Variants in COL25A1 observed in about 807,000 individuals in gnomAD.
COL25A1 encodes the protein collagen alpha-1(XXV) chain.
Under a neutral mutation model 128.4 loss-of-function variants are expected in COL25A1, and 103 were observed. That is an observed-to-expected ratio of 0.80 (90% confidence interval 0.68 to 0.94). The LOEUF (loss-of-function observed/expected upper bound fraction) is 0.94, where lower values mean the gene tolerates loss of function less well. Among genes scored for constraint, COL25A1 ranks in the 40% least tolerant of loss-of-function variants. COL25A1 has a pLI of 0.00. For synonymous variants in COL25A1, 279 were observed against 277.2 expected (o/e 1.01, Z -0.06); for missense variants, 745 against 840.0 (o/e 0.89, Z 1.40).
chr4:109,049,206 T>C (rs1392676273), intron 4 of COL25A1, among the ~76,000 whole-genome samples: 2 of 152,322 alleles, frequency 1.3e-5, no homozygotes, highest in East Asian at 3.9e-4. Flanking sequence ...TAGTTGATTA[T>C]TTTTAATATT....
intron 3 of COL25A1, among the ~76,000 whole-genome samples, chr4:109,092,278 C>A (rs972067527): frequency 1.3e-5 from 2 of 152,134 alleles, no homozygotes; most frequent in Non-Finnish European, 2.9e-5. Flanking sequence ...GAATTCAAGA[C>A]CAGCCTGGGC....
intron 3 of COL25A1, among the ~76,000 whole-genome samples, chr4:109,055,067 A>G (rs909648505): frequency 3.3e-5 from 5 of 152,234 alleles, no homozygotes; most frequent in Non-Finnish European, 1.5e-5. Context: ...AAGCAGGCAC[A>G]GATTAATTTC....
intron 11 of COL25A1, among the ~76,000 whole-genome samples, chr4:108,924,954 AC>A (rs1211138508): frequency 2.0e-5 from 3 of 152,050 alleles, no homozygotes; most frequent in African/African-American, 7.3e-5. Context: ...TCTCCAAAGC[AC>A]CCCTATGATG....
At chr4:109,294,725 T>C (rs748778107) in intron 3 of COL25A1, among the ~76,000 whole-genome samples, 3 of 152,104 alleles carry the variant, frequency 2.0e-5, no homozygotes, top group East Asian at 1.9e-4. Flanking sequence ...TATAAAGTGA[T>C]AGTATGAAAT....
At chr4:108,935,820 T>A (rs1355185683) in intron 11 of COL25A1, among the ~76,000 whole-genome samples, 1 of 152,212 alleles carries the variant, frequency 6.6e-6, no homozygotes, top group African/African-American at 2.4e-5. Context: ...ATATGTAATA[T>A]GTAAGAGAGA....
At position 109,196,079 on chromosome 4, in the gene COL25A1, G is replaced by A. The variant is rs112638358; in HGVS notation, c.367+104504C>T. ...TGTACTTTGCTAGTGTAGTGGTCTT[G>A]GAGTCATGCTCCATGCCTAATGCAA... On this transcript the variant is annotated intron_variant, in intron 3 of 37. Coordinates refer to ENST00000399132, the MANE Select transcript of COL25A1 (RefSeq NM_198721.4). 1.4e-3 allele frequency among the ~76,000 whole-genome samples: 210 copies of A among 152,282 alleles called. 1 individual carries two copies. The highest frequency in any genetic ancestry group is 4.9e-3 in the African/African-American group (204 of 41,562).
intron 19 of COL25A1, among the ~76,000 whole-genome samples, chr4:108,879,252 T>C (rs966183842): frequency 6.6e-6 from 1 of 152,212 alleles, no homozygotes. Flanking sequence ...TTGATCTTAA[T>C]GTCAAATTTT....
intron 3 of COL25A1, among the ~76,000 whole-genome samples, chr4:109,151,277 T>G (rs1410297409): frequency 1.3e-5 from 2 of 152,112 alleles, no homozygotes; most frequent in African/African-American, 4.8e-5. Flanking sequence ...TAGCAAATGT[T>G]CCAATGTATG....
intron 6 of COL25A1, among the ~76,000 whole-genome samples, chr4:109,000,399 T>C (rs1360897416): frequency 6.6e-6 from 1 of 152,144 alleles, no homozygotes; most frequent in African/African-American, 2.4e-5. Flanking sequence ...GGGATTTGAA[T>C]TATGTAATCT....
At chr4:109,148,838 T>G (rs1376271136) in intron 3 of COL25A1, among the ~76,000 whole-genome samples, 1 of 152,144 alleles carries the variant, frequency 6.6e-6, no homozygotes, top group African/African-American at 2.4e-5. Flanking sequence ...CCTTCTCACC[T>G]TTCTCCAAAT....
intron 3 of COL25A1, among the ~76,000 whole-genome samples, chr4:109,278,228 G>C (rs919167823): frequency 6.6e-6 from 1 of 152,076 alleles, no homozygotes; most frequent in African/African-American, 2.4e-5. Flanking sequence ...AATAGAATTT[G>C]ATCTATATAA....
intron 3 of COL25A1, among the ~76,000 whole-genome samples, chr4:109,241,929 C>A (rs1360186528): frequency 1.3e-5 from 2 of 151,312 alleles, no homozygotes; most frequent in African/African-American, 4.9e-5. Context: ...TTCTACTGCA[C>A]TTTTTTTTTA....
intron 6 of COL25A1, among the ~76,000 whole-genome samples, chr4:108,977,191 C>T (rs551008079): frequency 6.6e-6 from 1 of 152,194 alleles, no homozygotes; most frequent in South Asian, 2.1e-4. Flanking sequence ...AGACACTAGT[C>T]CCAGCGTCTC....
intron 19 of COL25A1, among the ~76,000 whole-genome samples, chr4:108,870,670 C>T (rs1738603383): frequency 6.6e-6 from 1 of 152,108 alleles, no homozygotes; most frequent in African/African-American, 2.4e-5. Context: ...AAGAGTTTAA[C>T]TTAAGTCAAA....
At chr4:108,889,317 G>C in intron 17 of COL25A1, 61 bp from the exon 18 acceptor site, 1 of 1,538,510 alleles carries the variant, frequency 6.5e-7, no homozygotes, top group South Asian at 1.1e-5. Flanking sequence ...AAAACACTTA[G>C]ACCTCTGGGC....
At chr4:109,037,708 G>C (rs1162681445) in intron 5 of COL25A1, among the ~76,000 whole-genome samples, 2 of 152,168 alleles carry the variant, frequency 1.3e-5, no homozygotes, top group Non-Finnish European at 2.9e-5. Flanking sequence ...TCACTTCTGA[G>C]CCATGTGTGC....
chr4:108,844,718 T>G lies in COL25A1; in HGVS notation c.1579-149A>C. 5 of 1,201,048 alleles carry G rather than the reference T, an allele frequency of 4.2e-6. No homozygotes were observed. In the South Asian group the frequency reaches 8.3e-5, roughly 20 times the overall value. 74.4% of individuals were successfully genotyped at this position (1,201,048 alleles called of 1,614,324 possible). The stretch of plus-strand genomic sequence containing the variant: ...TAAGTGATGTGTTTGATTCTCTAGA[T>G]GTAGAAATTCCCTTATGAGAATTAA... On this transcript the variant is annotated intron_variant, in intron 29 of 37. Transcript: ENST00000399132.
intron 13 of COL25A1, among the ~76,000 whole-genome samples, chr4:108,903,060 T>TA (rs1553964241): frequency 1.3e-4 from 20 of 151,770 alleles, no homozygotes; most frequent in African/African-American, 2.2e-4. Context: ...CCAGAGTTTT[T>TA]TAAAAAATAA....
intron 4 of COL25A1, among the ~76,000 whole-genome samples, chr4:109,049,690 T>C (rs1231211374): frequency 6.6e-6 from 1 of 152,176 alleles, no homozygotes; most frequent in Admixed American, 6.5e-5. Context: ...ATTGTGCCAA[T>C]TGGATAAAAT....
Sources: allele counts gnomAD v4.1 joint callset (sites outside exome capture counted in the v4.1 genomes callset), GRCh38; gene constraint gnomAD v4.1.1; transcripts MANE v1.5; gene names NCBI Gene and HGNC (gene_info 2026-07-23, HGNC 2026-07-21).